The following ERO1A variants were observed in gnomAD, a reference collection of about 807,000 sequenced individuals.
ERO1A encodes endoplasmic reticulum oxidoreductase 1 alpha.
A neutral mutation model predicts 76.9 loss-of-function variants in ERO1A; 49 were observed. The ratio of observed to expected loss-of-function variants is 0.64; its 90% CI spans 0.51 to 0.81. The LOEUF is 0.81. Among genes scored for constraint, ERO1A ranks in the 30% least tolerant of loss-of-function variants. The pLI, the probability that ERO1A is intolerant of heterozygous loss-of-function variation, is 0.00. For missense variants in ERO1A, 448 were observed against 542.1 expected (o/e 0.83, Z 1.72); for synonymous variants, 174 against 181.2 (o/e 0.96, Z 0.32).
intron 11 of ERO1A, among the ~76,000 whole-genome samples, chr14:52,656,040 C>T (rs2040032127): frequency 6.6e-6 from 1 of 152,132 alleles, no homozygotes; most frequent in African/African-American, 2.4e-5. Context: ...ACTACAAATA[C>T]ATTATTTTGA....
chr14:52,647,008 G>A (rs185909736), intron 13 of ERO1A: 89 of 105,926 alleles, frequency 8.4e-4, no homozygotes, highest in African/African-American at 3.3e-3. Flanking sequence ...TGAGAGTATC[G>A]CCCTGTCACC....
chr14:52,646,597 A>G (rs2039665797), intron 13 of ERO1A, 136 bp from the exon 14 acceptor site: 1 of 615,246 alleles, frequency 1.6e-6, no homozygotes, highest in African/African-American at 1.9e-5. Context: ...ACTAATATTC[A>G]TTGATTCTAC....
chr14:52,684,090 C>A (rs997684061), intron 1 of ERO1A, among the ~76,000 whole-genome samples, 183 bp from the exon 2 acceptor site: 1 of 148,484 alleles, frequency 6.7e-6, no homozygotes, highest in Non-Finnish European at 1.5e-5. Flanking sequence ...TGCTATATAC[C>A]GAGGAATGGA....
At chr14:52,684,717 T>C (rs2041123461) in intron 1 of ERO1A, among the ~76,000 whole-genome samples, 1 of 152,210 alleles carries the variant, frequency 6.6e-6, no homozygotes, top group Non-Finnish European at 1.5e-5. Context: ...TAATGGTATG[T>C]ACTAAATCAA....
intron 6 of ERO1A, among the ~76,000 whole-genome samples, chr14:52,670,176 AG>A (rs1200221481): frequency 3.9e-5 from 6 of 152,232 alleles, no homozygotes; most frequent in African/African-American, 1.4e-4. Context: ...CTGGGATTAT[AG>A]GCATAAGCCA....
intron 9 of ERO1A, among the ~76,000 whole-genome samples, chr14:52,659,292 A>C (rs756282696): frequency 6.6e-6 from 1 of 152,218 alleles, no homozygotes; most frequent in Non-Finnish European, 1.5e-5. Context: ...GCAATAAAAA[A>C]TGCAAATGAA....
At chr14:52,684,548 T>C (rs1422696933) in intron 1 of ERO1A, among the ~76,000 whole-genome samples, 2 of 152,138 alleles carry the variant, frequency 1.3e-5, no homozygotes, top group African/African-American at 2.4e-5. Context: ...TTCCCATCCT[T>C]AGCTTTCAGT....
chr14:52,668,816 A>G (rs2040503771), intron 6 of ERO1A, among the ~76,000 whole-genome samples: 1 of 148,682 alleles, frequency 6.7e-6, no homozygotes, highest in Non-Finnish European at 1.5e-5. Context: ...ATTTGAAGTA[A>G]TACTATAATT....
At position 52,663,504 on chromosome 14, in the gene ERO1A, G is replaced by A. The variant is rs145727677; in HGVS notation, c.676+297C>T. Reference sequence around the variant, plus strand: ...AGTCCCAGCTACTGAGGAGGCTGCGGCAGGAGAATGGCGTGAACCCGGGAG... The same window carrying A: ...AGTCCCAGCTACTGAGGAGGCTGCGACAGGAGAATGGCGTGAACCCGGGAG... On this transcript the variant is annotated intron_variant, in intron 8 of 15. Transcript: ENST00000395686. 1.1e-3 allele frequency among the ~76,000 whole-genome samples: 170 copies of A among 151,894 alleles called. 1 individual carries two copies. In the East Asian group the frequency reaches 0.032, roughly 29 times the overall value.
Position 52,653,216 on chromosome 14 carries a change from T to A in ERO1A, c.908A>T (p.Asn303Ile), listed in dbSNP as rs1446687003. ...TEGEGPRRLKNLYFLYLIELR... is the reference protein window; with the variant it reads ...TEGEGPRRLKILYFLYLIELR... ...TTCTATTAAGTAGAGAAAATACAAG[T>A]TCTTAAGCCTTCTTGGACCTTCTCC... Residue 303 changes from asparagine to isoleucine, a missense_variant, in exon 12 of 16, where the codon AAC becomes ATC. Physicochemically the swap from Asn to Ile is moderately radical, Grantham distance 149 (BLOSUM62 -3). Transcript: ENST00000395686. The A allele has an allele frequency of 6.2e-7, 1 of 1,613,110 alleles. No homozygotes were observed. The highest frequency in any genetic ancestry group is 1.7e-5 in the Admixed American group (1 of 59,980).
At chr14:52,663,358 C>G (rs899687373) in intron 8 of ERO1A, among the ~76,000 whole-genome samples, 11 of 151,974 alleles carry the variant, frequency 7.2e-5, no homozygotes, top group African/African-American at 2.7e-4. Context: ...CCAGCACTTT[C>G]GGAGGCCGAG....
chr14:52,687,258 T>C (rs932890700), intron 1 of ERO1A, among the ~76,000 whole-genome samples: 1 of 151,860 alleles, frequency 6.6e-6, no homozygotes, highest in African/African-American at 2.4e-5. Context: ...AAACCCTGTC[T>C]CAACTAAAAC....
intron 13 of ERO1A, among the ~76,000 whole-genome samples, chr14:52,651,017 C>T (rs2039844721): frequency 6.6e-6 from 1 of 151,816 alleles, no homozygotes; most frequent in African/African-American, 2.4e-5. Context: ...GCCTGTAATC[C>T]CAGCACTTTG....
At chr14:52,671,539 C>T in intron 6 of ERO1A, 91 bp downstream of exon 6, 2 of 837,652 alleles carry the variant, frequency 2.4e-6, no homozygotes, top group South Asian at 1.9e-5. Flanking sequence ...GGACTACAGG[C>T]ACACCACCAT....
intron 11 of ERO1A, among the ~76,000 whole-genome samples, chr14:52,657,499 G>A (rs1468194416): frequency 1.3e-5 from 2 of 152,148 alleles, no homozygotes; most frequent in Admixed American, 6.5e-5. Context: ...ATCAACCACA[G>A]TCTCATTTTC....
chr14:52,682,417 T>C lies in ERO1A; in HGVS notation c.235-9A>G, dbSNP rs369600373. ...GGCCTCTTCAGGTTTACCTGTAAAA[T>C]AATAATAGAAAAAAAATTATAAAAA... On this transcript the variant is annotated splice_polypyrimidine_tract_variant and intron_variant, in intron 2 of 15. Transcript: ENST00000395686. 31 of 1,575,092 alleles carry C rather than the reference T, an allele frequency of 2.0e-5. No homozygotes were observed. The highest frequency in any genetic ancestry group is 3.5e-4 in the Middle Eastern group (2 of 5,650).
At chr14:52,653,836 T>C (rs761697668) in intron 11 of ERO1A, among the ~76,000 whole-genome samples, 3 of 152,188 alleles carry the variant, frequency 2.0e-5, no homozygotes, top group South Asian at 4.1e-4. Context: ...AAATTTGTTA[T>C]GTATTTTTCT....
Position 52,683,812 on chromosome 14 carries a change from T to C in ERO1A, c.210A>G (p.Glu70=). ...CCTTGTAATACCTAAAGTAGTCACTTTCAAGAAGTTTTTGTAGTCTTGGGA... is the reference window on the plus strand; with the variant it reads ...CCTTGTAATACCTAAAGTAGTCACTCTCAAGAAGTTTTTGTAGTCTTGGGA... The part of the protein sequence containing the change: ...RLFPRLQKLL[E]SDYFRYYKVN... Residue 70 remains glutamate, a synonymous_variant, in exon 2 of 16, where the codon GAA becomes GAG. Transcript: ENST00000395686. The C allele has an allele frequency of 6.6e-7, 1 of 1,526,534 alleles. No homozygotes were observed. Among genetic ancestry groups the C allele is most frequent in the East Asian group, 2.3e-5 (1 of 43,988 alleles). 94.6% of individuals were successfully genotyped at this position (1,526,534 alleles called of 1,614,324 possible).
At chr14:52,695,335 G>T in intron 1 of ERO1A, 33 bp downstream of exon 1, 1 of 1,353,326 alleles carries the variant, frequency 7.4e-7, no homozygotes. Context: ...GGAGGGCGCC[G>T]GGACCCTCAG....
Sources: gnomAD v4.1 joint callset for allele counts (sites outside exome capture counted in the v4.1 genomes callset) on GRCh38, gnomAD v4.1.1 for gene constraint, MANE v1.5 for transcripts, NCBI Gene and HGNC (gene_info 2026-07-23, HGNC 2026-07-21) for gene names.